FDX1: variants seen among roughly 807,000 people sequenced by gnomAD.
The protein encoded by FDX1 is ferredoxin 1.
In FDX1, 9 loss-of-function variants were observed where a neutral mutation model predicts 14.9. The ratio of observed to expected loss-of-function variants is 0.60; its 90% CI spans 0.36 to 1.05. FDX1 has a LOEUF of 1.05. Among genes scored for constraint, FDX1 ranks in the 50% least tolerant of loss-of-function variants. FDX1 has a pLI of 0.01. For synonymous variants in FDX1, 92 were observed against 99.4 expected (o/e 0.93, Z 0.44); for missense variants, 204 against 237.2 (o/e 0.86, Z 0.92).
chr11:110,440,426 T>C (rs988137517), intron 2 of FDX1, among the ~76,000 whole-genome samples: 1 of 152,234 alleles, frequency 6.6e-6, no homozygotes, highest in African/African-American at 2.4e-5. Flanking sequence ...GCACTACTTT[T>C]GCTGCATCCC....
chr11:110,438,242 C>T (rs1946383358), intron 2 of FDX1, among the ~76,000 whole-genome samples: 1 of 152,180 alleles, frequency 6.6e-6, no homozygotes, highest in Non-Finnish European at 1.5e-5. Context: ...TTTACATTCC[C>T]ACCAGGACTG....
chr11:110,444,690 A>ATATATATATATACGTG lies in FDX1; in HGVS notation c.310+8744_310+8745insCGTGTATATATATATA, dbSNP rs1242421514. ...CGTATATATATATATATATACACGT[A>ATATATATATATACGTG]TATATATATATATACGTATATATAT... On this transcript the variant is annotated intron_variant, in intron 2 of 3. Transcript: ENST00000260270. 1.0e-3 allele frequency among the ~76,000 whole-genome samples: 57 copies of ATATATATATATACGTG among 54,978 alleles called. 4 individuals carry two copies. Among genetic ancestry groups the ATATATATATATACGTG allele is most frequent in the African/African-American group, 5.5e-3 (51 of 9,342 alleles). The allele number at this position is 54,978 out of a possible 152,430, so 36.1% of individuals were successfully genotyped here. A position where few individuals can be genotyped will look rare whatever the true frequency, so the allele number is the denominator to read the frequency against.
Position 110,463,966 on chromosome 11 carries a change from A to G in FDX1, c.*1498A>G, listed in dbSNP as rs45535532. The G allele has an allele frequency of 0.19, 29,001 of 149,018 alleles. 3,029 individuals are homozygous for G. The highest frequency in any genetic ancestry group is 0.26 in the East Asian group (1,322 of 5,010). The allele number at this position is 149,018 out of a possible 1,614,324, so 9.2% of individuals were successfully genotyped here. ...CTTACTCTGTCACTCAGGCCAGAGT[A>G]CAATAGTATGATCTCGGCTCACTGC... On this transcript the variant is annotated 3_prime_UTR_variant, in exon 4 of 4. Transcript: ENST00000260270.
In FDX1 at chr11:110,435,847, A is replaced by G. The variant is rs768532188; in HGVS notation, c.199A>G (p.Ile67Val). ...TTTTTTTTCCAGCTCAGAAGATAAA[A>G]TAACAGTCCACTTTATAAACCGTGA... ...ARARSSSEDK[I>V]TVHFINRDGE... Residue 67 changes from isoleucine to valine, a missense_variant, in exon 2 of 4, where the codon ATA becomes GTA. By Grantham distance (29) the Ile-to-Val change is conservative (BLOSUM62 3). Coordinates refer to ENST00000260270, the MANE Select transcript of FDX1 (RefSeq NM_004109.5). 8.7e-6 allele frequency: 14 copies of G among 1,602,562 alleles called. No homozygotes were observed. Among genetic ancestry groups the G allele is most frequent in the Admixed American group, 1.7e-5 (1 of 58,432 alleles).
chr11:110,456,367 C>T (rs1320560561), intron 2 of FDX1, among the ~76,000 whole-genome samples: 3 of 152,152 alleles, frequency 2.0e-5, no homozygotes, highest in African/African-American at 4.8e-5. Context: ...TATTCCTTCA[C>T]AGCACCAAGC....
rs181656099 is a variant in FDX1 at position 110,441,997 on chromosome 11, T to C, written c.310+6039T>C. Among the ~76,000 whole-genome samples the C allele has an allele frequency of 5.3e-5, 8 of 152,296 alleles. No homozygotes were observed. The East Asian group carries it at 1.2e-3, about 22-fold the overall frequency. ...CCCAGCTGTGGCTGAAAGGGGCCAA[T>C]GTAGAGCTAGGGCCGTGGCTTCAGA... On this transcript the variant is annotated intron_variant, in intron 2 of 3. Transcript: ENST00000260270.
chr11:110,449,570 C>A (rs753335915), intron 2 of FDX1, among the ~76,000 whole-genome samples: 28 of 152,268 alleles, frequency 1.8e-4, no homozygotes, highest in Non-Finnish European at 3.8e-4. Flanking sequence ...TTTTGAAATA[C>A]ACAATACATT....
chr11:110,439,137 C>T (rs139337507), intron 2 of FDX1, among the ~76,000 whole-genome samples: 2,332 of 152,162 alleles, frequency 0.015, 72 homozygotes, highest in African/African-American at 0.053. Flanking sequence ...AACTCCTGAT[C>T]TCAAATGATC....
rs929262415 is a variant in FDX1, at chr11:110,430,177, C to T, written c.57C>T (p.Gly19=). The change falls in exon 1 of 4, where the codon GGC becomes GGT. Residue 19 remains glycine, a synonymous_variant. Coordinates refer to ENST00000260270, the MANE Select transcript of FDX1 (RefSeq NM_004109.5). ...LLRAASAVLG[G]PAGRWLHHAG... ...GCGCCGCTTCTGCTGTCCTCGGCGG[C>T]CCGGCCGGCCGGTGGCTGCACCACG... 2 of 1,232,586 alleles carry T rather than the reference C, an allele frequency of 1.6e-6. No individual in the cohort carries two copies. Among genetic ancestry groups the T allele is most frequent in the Admixed American group, 4.3e-5 (1 of 23,194 alleles). The allele number at this position is 1,232,586 out of a possible 1,614,324, so 76.4% of individuals were successfully genotyped here.
At position 110,464,242 on chromosome 11, in the gene FDX1, G is replaced by A. The variant is rs947450970; in HGVS notation, c.*1774G>A. ...CTATTGAATGCTTTCTATGTGGAGA[G>A]TGCTTGTCTTAATTTTCTGTTGCTA... On this transcript the variant is annotated 3_prime_UTR_variant, in exon 4 of 4. Coordinates refer to ENST00000260270, the MANE Select transcript of FDX1 (RefSeq NM_004109.5). 2.0e-5 allele frequency: 3 copies of A among 152,116 alleles called. No homozygotes were observed. The highest frequency in any genetic ancestry group is 7.2e-5 in the African/African-American group (3 of 41,412). 9.4% of individuals were successfully genotyped at this position (152,116 alleles called of 1,614,324 possible). A position where few individuals can be genotyped will look rare whatever the true frequency, so the allele number is the denominator to read the frequency against.
In FDX1 at chr11:110,435,867, C is replaced by A. The variant is rs185852628; in HGVS notation, c.219C>A (p.Asn73Lys). 2.5e-5 allele frequency: 40 copies of A among 1,609,162 alleles called. No individual in the cohort carries two copies. The African/African-American group carries it at 5.1e-4, about 20-fold the overall frequency. ...SEDKITVHFI[N>K]RDGETLTTKG... ...ATAAAATAACAGTCCACTTTATAAA[C>A]CGTGATGGTGAAACATTAACAACCA... is the stretch of plus-strand genomic sequence containing the variant. Residue 73 changes from asparagine (N) to lysine (K), a missense_variant, in exon 2 of 4, where the codon AAC (asparagine) becomes AAA (lysine). Transcript: ENST00000260270.
intron 1 of FDX1, among the ~76,000 whole-genome samples, chr11:110,432,255 A>G (rs998269081): frequency 2.6e-5 from 4 of 152,194 alleles, no homozygotes; most frequent in Admixed American, 6.5e-5. Flanking sequence ...TTCAGGTAGC[A>G]AAGATCTTTC....
Position 110,444,683 on chromosome 11 carries a change from T to C in FDX1, c.310+8725T>C, listed in dbSNP as rs554119107. ...ATATATACGTATATATATATATATA[T>C]ACACGTATATATATATATATACGTA... On this transcript the variant is annotated intron_variant, in intron 2 of 3. Coordinates refer to ENST00000260270, the MANE Select transcript of FDX1 (RefSeq NM_004109.5). Among the ~76,000 whole-genome samples the C allele has an allele frequency of 4.9e-3, 257 of 52,630 alleles. 16 individuals carry two copies. The highest frequency in any genetic ancestry group is 0.022 in the African/African-American group (209 of 9,368). The allele number at this position is 52,630 out of a possible 152,430, so 34.5% of individuals were successfully genotyped here. A position where few individuals can be genotyped will look rare whatever the true frequency, so the allele number is the denominator to read the frequency against.
At chr11:110,433,036 A>T (rs1946341375) in intron 1 of FDX1, among the ~76,000 whole-genome samples, 1 of 152,244 alleles carries the variant, frequency 6.6e-6, no homozygotes, top group Non-Finnish European at 1.5e-5. Flanking sequence ...CAGAACTATA[A>T]GATTAATGTT....
chr11:110,437,403 T>TA (rs1287324790), intron 2 of FDX1, among the ~76,000 whole-genome samples: 1 of 152,200 alleles, frequency 6.6e-6, no homozygotes, highest in Non-Finnish European at 1.5e-5. Flanking sequence ...ATTTTTTTTT[T>TA]AACTCTCCAT....
chr11:110,443,151 A>G lies in FDX1; in HGVS notation c.310+7193A>G, dbSNP rs182844026. ...TTTCAGGTATGTCTTTATCAGCAGC[A>G]TGAAAATGGACTAATACAATTGGTT... On this transcript the variant is annotated intron_variant, in intron 2 of 3. Coordinates refer to ENST00000260270, the MANE Select transcript of FDX1 (RefSeq NM_004109.5). 1.9e-4 allele frequency among the ~76,000 whole-genome samples: 29 copies of G among 152,244 alleles called. No homozygotes were observed. In the East Asian group the frequency reaches 5.0e-3, roughly 26 times the overall value.
At chr11:110,461,398 A>G (rs1259121413) in intron 3 of FDX1, among the ~76,000 whole-genome samples, 1 of 148,086 alleles carries the variant, frequency 6.8e-6, no homozygotes, top group African/African-American at 2.5e-5. Flanking sequence ...TAGGAGGCTG[A>G]GGTGGGAGGA....
chr11:110,458,050 C>T (rs1274513961), intron 3 of FDX1, among the ~76,000 whole-genome samples: 1 of 152,166 alleles, frequency 6.6e-6, no homozygotes, highest in African/African-American at 2.4e-5. Flanking sequence ...TGAGCACCTC[C>T]TTTCTTCCCC....
chr11:110,433,170 A>G (rs1397977620), intron 1 of FDX1, among the ~76,000 whole-genome samples: 1 of 152,208 alleles, frequency 6.6e-6, no homozygotes, highest in Non-Finnish European at 1.5e-5. Flanking sequence ...AGTGTGTATA[A>G]ATGATGGAAT....
Sources: gnomAD v4.1 joint callset for allele counts (sites outside exome capture counted in the v4.1 genomes callset) on GRCh38, gnomAD v4.1.1 for gene constraint, MANE v1.5 for transcripts, NCBI Gene and HGNC (gene_info 2026-07-23, HGNC 2026-07-21) for gene names.